Variants in EHBP1L1 observed in about 807,000 individuals in gnomAD.
The protein encoded by EHBP1L1 is EH domain binding protein 1 like 1.
EHBP1L1 carries 122 observed loss-of-function variants against 151.1 expected under a neutral mutation model. The observed-to-expected ratio is 0.81, with a 90% CI of 0.70 to 0.94. The LOEUF is 0.94. Ranked by LOEUF, EHBP1L1 falls within the 40% of genes least tolerant of loss-of-function variation. The probability of loss-of-function intolerance (pLI) is 0.00; values close to 1 mark genes in which losing one functional copy is unlikely to be tolerated. For missense variants in EHBP1L1, 1,941 were observed against 1,959.8 expected (o/e 0.99, Z 0.18); for synonymous variants, 878 against 810.1 (o/e 1.08, Z -1.42).
intron 12 of EHBP1L1, among the ~76,000 whole-genome samples, chr11:65,586,340 G>T (rs1857966890): frequency 1.3e-5 from 2 of 152,228 alleles, no homozygotes; most frequent in Non-Finnish European, 2.9e-5. Context: ...GGGCTTTCCA[G>T]CTGGAGTCCC....
Position 65,592,055 on chromosome 11 carries a change from T to C in EHBP1L1, c.4437T>C (p.Asp1479=). 1 of 1,613,276 alleles carries C rather than the reference T, an allele frequency of 6.2e-7. No homozygotes were observed. The highest frequency in any genetic ancestry group is 8.5e-7 in the Non-Finnish European group (1 of 1,179,636). ...EELVSLVNQR[D]ELVRDLDHKE... ...TGGTGTCGCTGGTGAACCAGCGCGA[T>C]GAGCTAGTCCGGGACCTGGACCACA... Residue 1479 remains aspartate, a synonymous_variant, in exon 18 of 19, where the codon GAT becomes GAC. Transcript: ENST00000309295.
intron 16 of EHBP1L1, 59 bp from the exon 17 acceptor site, chr11:65,591,741 C>T: frequency 7.3e-7 from 1 of 1,372,900 alleles, no homozygotes; most frequent in Non-Finnish European, 1.0e-6. Context: ...GCACTCTCTC[C>T]CTACGCCCCT....
Position 65,579,113 on chromosome 11 carries a change from G to GGAACC in EHBP1L1, c.143_147dup (p.Arg50ThrfsTer35). ...AAGCTGGTGGTGGTATGGACCCGTC[G>GGAACC]GAACCGACGCATCTGCTCCAAGGTG... On this transcript the variant is annotated frameshift_variant, in exon 2 of 19. Transcript: ENST00000309295. LOFTEE classifies it high-confidence loss of function. 1.9e-6 allele frequency: 3 copies of GGAACC among 1,595,294 alleles called. No individual in the cohort carries two copies. The highest frequency in any genetic ancestry group is 2.6e-6 in the Non-Finnish European group (3 of 1,171,142).
At position 65,576,245 on chromosome 11, in the gene EHBP1L1, G is replaced by A; in HGVS notation, c.-58G>A. ...CCATGGGGACCCGGGCCGGGCCAGC[G>A]GTGGCGGGCCAGCGGGAGCCCCGGG... On this transcript the variant is annotated 5_prime_UTR_variant, in exon 1 of 19. Transcript: ENST00000309295. The A allele has an allele frequency of 4.8e-6, 7 of 1,470,940 alleles. No homozygotes were observed. The highest frequency in any genetic ancestry group is 6.3e-6 in the Non-Finnish European group (7 of 1,104,026). The allele number at this position is 1,470,940 out of a possible 1,614,324, so 91.1% of individuals were successfully genotyped here.
Position 65,580,317 on chromosome 11 carries a change from C to T in EHBP1L1, c.492-20C>T. ...CTGTGACCTCTGACTCCACCCTCAC[C>T]TTTAACCTCTGCCTCCCAGGGACGA... On this transcript the variant is annotated intron_variant, in intron 5 of 18. Transcript: ENST00000309295. 3 of 1,613,604 alleles carry T rather than the reference C, an allele frequency of 1.9e-6. No individual in the cohort carries two copies. Among genetic ancestry groups the T allele is most frequent in the South Asian group, 2.2e-5 (2 of 91,076 alleles).
At position 65,591,785 on chromosome 11, in the gene EHBP1L1, C is replaced by CCCCCCCCCCCCA; in HGVS notation, c.4284-13_4284-12insCCCCCCCCCACC. The CCCCCCCCCCCCA allele has an allele frequency of 6.6e-7, 1 of 1,524,222 alleles. No homozygotes were observed. Among genetic ancestry groups the CCCCCCCCCCCCA allele is most frequent in the Non-Finnish European group, 8.9e-7 (1 of 1,126,154 alleles). The allele number at this position is 1,524,222 out of a possible 1,614,324, so 94.4% of individuals were successfully genotyped here. A position where few individuals can be genotyped will look rare whatever the true frequency, so the allele number is the denominator to read the frequency against. On this transcript the variant is annotated splice_polypyrimidine_tract_variant and intron_variant, in intron 16 of 18. Coordinates refer to ENST00000309295, the MANE Select transcript of EHBP1L1 (RefSeq NM_001099409.3). ...ACTGCCACCCCCCCGCCACCCACCC[C>CCCCCCCCCCCCA]CCGCCACCTTCCAGCATGGAGGAGC...
chr11:65,587,513 T>A (rs1858035562), intron 12 of EHBP1L1, among the ~76,000 whole-genome samples: 1 of 152,230 alleles, frequency 6.6e-6, no homozygotes, highest in Non-Finnish European at 1.5e-5. Flanking sequence ...AGCTCAGCAC[T>A]CTTTATGTGC....
rs770733223 is a variant in EHBP1L1 at position 65,582,755 on chromosome 11, C to T, written c.2083C>T (p.Gln695Ter). The T allele has an allele frequency of 6.2e-7, 1 of 1,613,532 alleles. No individual in the cohort carries two copies. The highest frequency in any genetic ancestry group is 8.5e-7 in the Non-Finnish European group (1 of 1,179,834). ...GCCACTGAAGATAGAAGATACAATA[C>T]AGTCTGAGATGCTGGGGACCCAGGA... ...LGPLKIEDTI[Q>*]SEMLGTQETE... The change falls in exon 9 of 19, where the codon CAG (glutamine) becomes TAG (stop). Residue 695 changes from glutamine to a stop codon, truncating the protein, a stop_gained. Coordinates refer to ENST00000309295, the MANE Select transcript of EHBP1L1 (RefSeq NM_001099409.3). LOFTEE classifies it high-confidence loss of function.
At chr11:65,579,568 G>A in intron 3 of EHBP1L1, 132 bp downstream of exon 3, 2 of 699,938 alleles carry the variant, frequency 2.9e-6, no homozygotes, top group Non-Finnish European at 4.5e-6. Flanking sequence ...GAATTAGGGG[G>A]GCCTGCTCAG....
chr11:65,592,141 C>G (rs1590844378), intron 18 of EHBP1L1, 51 bp downstream of exon 18: 1 of 1,610,006 alleles, frequency 6.2e-7, no homozygotes, highest in East Asian at 2.2e-5. Context: ...GGACTTGCTC[C>G]CGCAGAGGGC....
Position 65,589,776 on chromosome 11 carries a change from C to T in EHBP1L1, c.3959C>T (p.Pro1320Leu). Residue 1320 changes from proline to leucine, a missense_variant, in exon 13 of 19, where the codon CCT (proline) becomes CTT (leucine). Coordinates refer to ENST00000309295, the MANE Select transcript of EHBP1L1 (RefSeq NM_001099409.3). ...AAEGQAPDPS[P>L]APGPPTAADS... Reference sequence around the variant, plus strand: ...GAAGGCCAGGCCCCTGACCCCAGCCCTGCCCCAGGCCCACCCACAGCTGCA... The same window carrying T: ...GAAGGCCAGGCCCCTGACCCCAGCCTTGCCCCAGGCCCACCCACAGCTGCA... 1.3e-6 allele frequency: 2 copies of T among 1,556,250 alleles called. No homozygotes were observed. The highest frequency in any genetic ancestry group is 1.7e-4 in the Middle Eastern group (1 of 5,848).
Position 65,581,823 on chromosome 11 carries a change from A to C in EHBP1L1, c.1151A>C (p.Glu384Ala). ...QRLKAEEMDT[E>A]DRPEASGVDT... ...CTCAAGGCTGAAGAGATGGACACTG[A>C]GGACAGGCCAGAGGCCAGTGGGGTG... is the stretch of plus-strand genomic sequence containing the variant. The change falls in exon 9 of 19, where the codon GAG (glutamate) becomes GCG (alanine). Residue 384 changes from glutamate to alanine, a missense_variant. Glu to Ala is a moderately radical substitution (Grantham distance 107). Transcript: ENST00000309295. 1 of 1,613,622 alleles carries C rather than the reference A, an allele frequency of 6.2e-7. No individual in the cohort carries two copies. The highest frequency in any genetic ancestry group is 1.1e-5 in the South Asian group (1 of 91,054).
At position 65,590,229 on chromosome 11, in the gene EHBP1L1, G is replaced by A; in HGVS notation, c.4183+19G>A. On this transcript the variant is annotated intron_variant, in intron 15 of 18. Transcript: ENST00000309295. The stretch of plus-strand genomic sequence containing the variant: ...GAGTCAGGTGGGGCATACATCTAGG[G>A]ATCCCTTCCCCAACACATGCCACTA... The A allele has an allele frequency of 1.2e-6, 2 of 1,610,928 alleles. No homozygotes were observed. Among genetic ancestry groups the A allele is most frequent in the Non-Finnish European group, 1.7e-6 (2 of 1,179,100 alleles).
At chr11:65,579,295 G>C in intron 2 of EHBP1L1, 46 bp from the exon 3 acceptor site, 1 of 1,506,210 alleles carries the variant, frequency 6.6e-7, no homozygotes, top group East Asian at 2.5e-5. Flanking sequence ...GTGCAGGTGG[G>C]AGGGAAGAGT....
Position 65,591,790 on chromosome 11 carries a change from C to CCCCCAAAA in EHBP1L1, c.4284-10_4284-9insCCCCAAAA, listed in dbSNP as rs1858321133. ...CACCCCCCCGCCACCCACCCCCCGC[C>CCCCCAAAA]ACCTTCCAGCATGGAGGAGCAGGAC... On this transcript the variant is annotated splice_polypyrimidine_tract_variant and intron_variant, in intron 16 of 18. Transcript: ENST00000309295. 12 of 1,535,784 alleles carry CCCCCAAAA rather than the reference C, an allele frequency of 7.8e-6. No homozygotes were observed. Among genetic ancestry groups the CCCCCAAAA allele is most frequent in the South Asian group, 1.2e-5 (1 of 83,698 alleles).
intron 1 of EHBP1L1, among the ~76,000 whole-genome samples, chr11:65,576,615 C>G (rs1857341185): frequency 6.6e-6 from 1 of 152,214 alleles, no homozygotes; most frequent in Non-Finnish European, 1.5e-5. Flanking sequence ...GCAGCCTTCC[C>G]TGCGCGGGGG....
rs771614924 is a variant in EHBP1L1 at position 65,580,444 on chromosome 11, G to A, written c.599G>A (p.Gly200Glu). The change falls in exon 6 of 19, where the codon GGA becomes GAA. Residue 200 changes from glycine to glutamate, a missense_variant. Physicochemically the swap from Gly to Glu is moderately conservative, Grantham distance 98. Coordinates refer to ENST00000309295, the MANE Select transcript of EHBP1L1 (RefSeq NM_001099409.3). ...ESDEDEAHGP[G>E]APEARARVPQ... ...GATGAAGATGAGGCTCATGGCCCAGGAGCCCCGGAGGCCCGGGCTCGAGTC... is the reference window on the plus strand; with the variant it reads ...GATGAAGATGAGGCTCATGGCCCAGAAGCCCCGGAGGCCCGGGCTCGAGTC... 4.3e-6 allele frequency: 7 copies of A among 1,613,430 alleles called. No homozygotes were observed. Among genetic ancestry groups the A allele is most frequent in the Non-Finnish European group, 5.9e-6 (7 of 1,179,840 alleles).
chr11:65,585,457 C>A lies in EHBP1L1; in HGVS notation c.3799C>A (p.Pro1267Thr). The part of the protein sequence containing the change: ...SVNGEPGSVP[P>T]PRAHGSFSHV... ...CAACGGGGAGCCCGGGTCGGTGCCC[C>A]CGCCCCGCGCGCACGGCTCCTTCTC... The change falls in exon 12 of 19, where the codon CCG (proline) becomes ACG (threonine). Residue 1267 changes from proline (P) to threonine (T), a missense_variant. Transcript: ENST00000309295. This position sits in a 1 kb window ranked among gnomAD's most constrained non-coding sequence, Gnocchi z 4.0. The A allele has an allele frequency of 2.0e-6, 3 of 1,525,570 alleles. No homozygotes were observed. Among genetic ancestry groups the A allele is most frequent in the South Asian group, 2.4e-5 (2 of 83,448 alleles). The allele number at this position is 1,525,570 out of a possible 1,614,324, so 94.5% of individuals were successfully genotyped here. A position where few individuals can be genotyped will look rare whatever the true frequency, so the allele number is the denominator to read the frequency against.
chr11:65,580,344 G>T lies in EHBP1L1; in HGVS notation c.499G>T (p.Asp167Tyr). Residue 167 changes from aspartate (D) to tyrosine (Y), a missense_variant, in exon 6 of 19, where the codon GAC becomes TAC. Transcript: ENST00000309295. ...LLREGRATDD[D>Y]MQSLASLMSV... is the part of the protein sequence containing the mutation. ...TTAACCTCTGCCTCCCAGGGACGAT[G>T]ACATGCAGAGTCTCGCAAGCCTCAT... The T allele has an allele frequency of 1.2e-6, 2 of 1,613,760 alleles. No individual in the cohort carries two copies. The highest frequency in any genetic ancestry group is 1.1e-5 in the South Asian group (1 of 91,078).
Sources: gnomAD v4.1 joint callset for allele counts (sites outside exome capture counted in the v4.1 genomes callset) on GRCh38, gnomAD v4.1.1 for gene constraint, Gnocchi (gnomAD v3.1) non-coding constraint, MANE v1.5 for transcripts, NCBI Gene and HGNC (gene_info 2026-07-23, HGNC 2026-07-21) for gene names.